DMXL1: variants seen among roughly 807,000 people sequenced by gnomAD.
DMXL1 encodes dmX-like protein 1.
In DMXL1, 99 loss-of-function variants were observed where a neutral mutation model predicts 319.2. The observed-to-expected ratio is 0.31, with a 90% CI of 0.26 to 0.37. DMXL1 has a LOEUF of 0.37. Among genes scored for constraint, DMXL1 ranks in the 10% least tolerant of loss-of-function variants. DMXL1 has a pLI of 1.00. For synonymous variants in DMXL1, 1,385 were observed against 1,235.2 expected (o/e 1.12, Z -2.54); for missense variants, 3,745 against 3,595.6 (o/e 1.04, Z -1.06).
At chr5:119,087,195 T>C (rs1026604294) in intron 1 of DMXL1, among the ~76,000 whole-genome samples, 1 of 152,082 alleles carries the variant, frequency 6.6e-6, no homozygotes, top group African/African-American at 2.4e-5. Context: ...TTATTTTTTC[T>C]TCATACAAAT....
At chr5:119,203,242 A>T in intron 32 of DMXL1, 77 bp from the exon 33 acceptor site, 2 of 899,514 alleles carry the variant, frequency 2.2e-6, no homozygotes, top group Non-Finnish European at 3.4e-6. Context: ...TATAATTTAT[A>T]TGGCACCAAG....
chr5:119,212,668 C>T (rs1213013816), intron 34 of DMXL1, among the ~76,000 whole-genome samples: 1 of 152,144 alleles, frequency 6.6e-6, no homozygotes, highest in Non-Finnish European at 1.5e-5. Flanking sequence ...TTTTTCTTCA[C>T]ATGTCCAGCC....
intron 37 of DMXL1, 100 bp downstream of exon 37, chr5:119,221,181 A>G (rs2150582120): frequency 1.2e-6 from 1 of 868,976 alleles, no homozygotes; most frequent in Non-Finnish European, 1.7e-6. Flanking sequence ...CTTAATTCCT[A>G]AAGTTTTAGT....
At chr5:119,136,697 G>C (rs4588617) in intron 13 of DMXL1, among the ~76,000 whole-genome samples, 133,696 of 152,338 alleles carry the variant, frequency 0.88, 58,837 homozygotes, top group East Asian at 0.99. Context: ...TGGTACAGCT[G>C]CGGCTGTTGC....
At chr5:119,213,915 A>G (rs941491703) in intron 34 of DMXL1, among the ~76,000 whole-genome samples, 1 of 152,182 alleles carries the variant, frequency 6.6e-6, no homozygotes, top group Non-Finnish European at 1.5e-5. Flanking sequence ...TAGTTTCCAT[A>G]ATATCAAACT....
At chr5:119,117,322 T>C (rs1013902533) in intron 7 of DMXL1, among the ~76,000 whole-genome samples, 4 of 152,186 alleles carry the variant, frequency 2.6e-5, no homozygotes, top group Non-Finnish European at 5.9e-5. Context: ...ATTACAAGCA[T>C]GAGCCATGTG....
intron 5 of DMXL1, among the ~76,000 whole-genome samples, chr5:119,111,835 A>G (rs1479127427): frequency 2.0e-5 from 3 of 152,270 alleles, no homozygotes; most frequent in Admixed American, 6.5e-5. Flanking sequence ...AATAAGTGCA[A>G]TAAGAGGTGA....
intron 25 of DMXL1, among the ~76,000 whole-genome samples, chr5:119,174,780 T>A (rs969578622): frequency 6.6e-6 from 1 of 150,622 alleles, no homozygotes; most frequent in African/African-American, 2.4e-5. Flanking sequence ...ATACCTTATA[T>A]CCTTTCTCTT....
At chr5:119,080,421 C>G (rs1476832894) in intron 1 of DMXL1, among the ~76,000 whole-genome samples, 1 of 152,254 alleles carries the variant, frequency 6.6e-6, no homozygotes, top group South Asian at 2.1e-4. Context: ...CCAACCCACA[C>G]CCCAATTTGT....
chr5:119,218,955 C>T (rs924769557), intron 35 of DMXL1, among the ~76,000 whole-genome samples: 1 of 152,134 alleles, frequency 6.6e-6, no homozygotes, highest in Middle Eastern at 3.4e-3. Flanking sequence ...TTTCTGTTGC[C>T]ACAGAAACAG....
chr5:119,079,214 G>T (rs1021657357), intron 1 of DMXL1, among the ~76,000 whole-genome samples: 4 of 152,080 alleles, frequency 2.6e-5, no homozygotes, highest in African/African-American at 9.7e-5. Flanking sequence ...TTGCCACCTG[G>T]AATCATTCAG....
chr5:119,143,890 G>C lies in DMXL1; in HGVS notation c.2426G>C (p.Arg809Thr). 6.3e-7 allele frequency: 1 copy of C among 1,587,844 alleles called. No individual in the cohort carries two copies. The highest frequency in any genetic ancestry group is 8.6e-7 in the Non-Finnish European group (1 of 1,167,662). Residue 809 changes from arginine (R) to threonine (T), a missense_variant, in exon 14 of 44, where the codon AGG (arginine) becomes ACG (threonine). By Grantham distance (71) the Arg-to-Thr change is moderately conservative. This residue lies in a region of DMXL1 where 2,096 missense variants were observed against 1,985.4 expected (regional missense o/e 1.06). Coordinates refer to ENST00000539542, the MANE Select transcript of DMXL1 (RefSeq NM_001290321.3). ...ATCGTCAGTCAACAATCAACAGCCA[G>C]GCCAGGATGCATTATTGCATTAGAT... Reference protein sequence around the residue: ...FNIVSQQSTARPGCIIALDPI... With the variant: ...FNIVSQQSTATPGCIIALDPI...
chr5:119,220,634 TG>T (rs1395768000), intron 36 of DMXL1, 41 bp downstream of exon 36: 59 of 1,596,542 alleles, frequency 3.7e-5, no homozygotes, highest in Non-Finnish European at 4.8e-5. Context: ...TGTTGCAATA[TG>T]AGTGACTATA....
intron 38 of DMXL1, among the ~76,000 whole-genome samples, chr5:119,225,347 C>A (rs182779062): frequency 3.3e-5 from 5 of 152,024 alleles, no homozygotes; most frequent in Admixed American, 3.3e-4. Flanking sequence ...TTAAAAGTTT[C>A]TCTTCCTTCA....
In DMXL1 at chr5:119,102,003, T is replaced by C; in HGVS notation, c.282T>C (p.Asn94=). 6.3e-7 allele frequency: 1 copy of C among 1,588,034 alleles called. No individual in the cohort carries two copies. The highest frequency in any genetic ancestry group is 8.6e-7 in the Non-Finnish European group (1 of 1,161,064). Residue 94 remains asparagine (N), a synonymous_variant, in exon 3 of 44, where the codon AAT becomes AAC. Coordinates refer to ENST00000539542, the MANE Select transcript of DMXL1 (RefSeq NM_001290321.3). Reference sequence around the variant, plus strand: ...TTAACCTACCAAAACAAAAGAAAAATTTGGTCAGTAATTTATGATTTCTTC... The same window carrying C: ...TTAACCTACCAAAACAAAAGAAAAACTTGGTCAGTAATTTATGATTTCTTC... ...EPVNLPKQKK[N]LELYSQWQKS...
chr5:119,152,160 C>A, intron 19 of DMXL1, 124 bp downstream of exon 19: 1 of 619,378 alleles, frequency 1.6e-6, no homozygotes. Flanking sequence ...TTTTAAGTTT[C>A]CTTTATTTGT....
intron 1 of DMXL1, among the ~76,000 whole-genome samples, chr5:119,095,881 T>C (rs913648523): frequency 6.6e-6 from 1 of 152,186 alleles, no homozygotes; most frequent in Non-Finnish European, 1.5e-5. Flanking sequence ...TTTGTGAAAC[T>C]AGTGGAATCA....
At chr5:119,147,171 G>T in intron 16 of DMXL1, 78 bp from the exon 17 acceptor site, 1 of 1,300,420 alleles carries the variant, frequency 7.7e-7, no homozygotes, top group East Asian at 2.4e-5. Flanking sequence ...AGGCAGTTTT[G>T]GATTGTAAAA....
At chr5:119,231,456 G>C (rs950425882) in intron 38 of DMXL1, among the ~76,000 whole-genome samples, 2 of 152,090 alleles carry the variant, frequency 1.3e-5, no homozygotes, top group African/African-American at 2.4e-5. Flanking sequence ...AAAGTTGCAG[G>C]TTTCAGGTCA....
Sources: gnomAD v4.1 joint callset for allele counts (sites outside exome capture counted in the v4.1 genomes callset) on GRCh38, gnomAD v4.1.1 for gene constraint, gnomAD v4.1.1 regional missense constraint, MANE v1.5 for transcripts, NCBI Gene and HGNC (gene_info 2026-07-23, HGNC 2026-07-21) for gene names.